FBLN1: variants seen among roughly 807,000 people sequenced by gnomAD.
The protein encoded by FBLN1 is fibulin-1.
A neutral mutation model predicts 89.7 loss-of-function variants in FBLN1; 34 were observed. That is an observed-to-expected ratio of 0.38 (90% CI 0.29 to 0.50). The LOEUF (loss-of-function observed/expected upper bound fraction) is 0.50, where lower values mean the gene tolerates loss of function less well. Among genes scored for constraint, FBLN1 ranks in the 20% least tolerant of loss-of-function variants. FBLN1 has a pLI of 0.92. For missense variants in FBLN1, 777 were observed against 988.1 expected, an observed-to-expected ratio of 0.79 and a Z score of 2.86; for synonymous variants, 393 against 391.3, an observed-to-expected ratio of 1.00 and a Z score of -0.05.
intron 1 of FBLN1, among the ~76,000 whole-genome samples, chr22:45,505,010 C>G (rs1226739025): frequency 6.6e-6 from 1 of 152,248 alleles, no homozygotes; most frequent in Non-Finnish European, 1.5e-5. Context: ...GGCACCGCCC[C>G]TGCTCTCAGA....
Position 45,508,286 on chromosome 22 carries a change from C to CTTTTTTTTTTTT in FBLN1, c.79+5231_79+5232insTTTTTTTTTTTT, listed in dbSNP as rs1350335831. Among the ~76,000 whole-genome samples the CTTTTTTTTTTTT allele has an allele frequency of 2.3e-3, 299 of 129,114 alleles. 12 individuals carry two copies. Among genetic ancestry groups the CTTTTTTTTTTTT allele is most frequent in the African/African-American group, 7.4e-3 (256 of 34,708 alleles). 84.7% of individuals were successfully genotyped at this position (129,114 alleles called of 152,430 possible). ...CAGCACACTGGACAGCCTCGCGTAT[C>CTTTTTTTTTTTT]TTTTTTTTTGAGACGGAGTCTTGCA... On this transcript the variant is annotated intron_variant, in intron 1 of 16. Coordinates refer to ENST00000327858, the MANE Select transcript of FBLN1 (RefSeq NM_006486.3).
chr22:45,535,455 C>A, intron 8 of FBLN1, 118 bp downstream of exon 8: 1 of 1,237,720 alleles, frequency 8.1e-7, no homozygotes, highest in Non-Finnish European at 1.2e-6. Flanking sequence ...GGTTGGCAAA[C>A]TTTTTGTGTA....
intron 16 of FBLN1, among the ~76,000 whole-genome samples, chr22:45,586,876 C>G (rs568523861): frequency 6.6e-6 from 1 of 152,212 alleles, no homozygotes; most frequent in East Asian, 1.9e-4. Context: ...TGACATCAGG[C>G]CATCCACAGC....
rs561952779 is a variant in FBLN1, at chr22:45,557,820, G to C, written c.1697+7205G>C. Among the ~76,000 whole-genome samples the C allele has an allele frequency of 2.6e-5, 4 of 152,184 alleles. No homozygotes were observed. The highest frequency in any genetic ancestry group is 6.5e-5 in the Admixed American group (1 of 15,280). ...CTTCTTCCAAGTCCCTGACCATCCA[G>C]CCAAACCATTGGCCACAGCCCATGA... On this transcript the variant is annotated intron_variant, in intron 14 of 16. Coordinates refer to ENST00000327858, the MANE Select transcript of FBLN1 (RefSeq NM_006486.3). The surrounding 1 kb of genome is among the most constrained non-coding windows in gnomAD (Gnocchi z 4.9).
At chr22:45,539,950 G>C (rs780406131) in intron 8 of FBLN1, among the ~76,000 whole-genome samples, 2 of 152,202 alleles carry the variant, frequency 1.3e-5, no homozygotes, top group Non-Finnish European at 2.9e-5. Context: ...GGGCCACCCA[G>C]CTGTTTCTCT....
rs921906255 is a variant in FBLN1, at chr22:45,561,386, A to C, written c.1697+10771A>C. ...CACTTTGTCCACTAAACTTAGGAGC[A>C]ACCAACCAGCTTCATTATGTTCCTT... On this transcript the variant is annotated intron_variant, in intron 14 of 16. Transcript: ENST00000327858. This position sits in a 1 kb window ranked among gnomAD's most constrained non-coding sequence, Gnocchi z 4.7. 6.6e-6 allele frequency among the ~76,000 whole-genome samples: 1 copy of C among 152,224 alleles called. No individual in the cohort carries two copies. Among genetic ancestry groups the C allele is most frequent in the African/African-American group, 2.4e-5 (1 of 41,464 alleles).
intron 14 of FBLN1, among the ~76,000 whole-genome samples, chr22:45,553,208 C>T (rs1396390051): frequency 6.6e-6 from 1 of 152,170 alleles, no homozygotes; most frequent in Non-Finnish European, 1.5e-5. Context: ...AGGAGGGGGC[C>T]TAGAGGGCCT....
At chr22:45,570,338 AAG>A (rs1192098723) in intron 14 of FBLN1, among the ~76,000 whole-genome samples, 35 of 77,328 alleles carry the variant, frequency 4.5e-4, no homozygotes, top group African/African-American at 1.6e-3. Flanking sequence ...AAAAAAAAAA[AAG>A]AAAAGAAAAG....
chr22:45,532,989 C>T lies in FBLN1; in HGVS notation c.545-74C>T. 2 of 1,420,646 alleles carry T rather than the reference C, an allele frequency of 1.4e-6. No individual in the cohort carries two copies. The highest frequency in any genetic ancestry group is 2.3e-5 in the East Asian group (1 of 43,766). The allele number at this position is 1,420,646 out of a possible 1,614,324, so 88.0% of individuals were successfully genotyped here. On this transcript the variant is annotated intron_variant, in intron 5 of 16. Transcript: ENST00000327858. The surrounding 1 kb of genome is among the most constrained non-coding windows in gnomAD (Gnocchi z 4.2). ...TGCCCAGAGGGCGTTTTCTATGACC[C>T]AGCCTGAACGGAGCTAGAAACCAGG...
chr22:45,553,108 C>T (rs76696835), intron 14 of FBLN1, among the ~76,000 whole-genome samples: 15 of 152,336 alleles, frequency 9.8e-5, no homozygotes, highest in African/African-American at 3.1e-4. Context: ...GCTTGTCTCC[C>T]GGACGACGAG....
rs2089028637 is a variant in FBLN1 at position 45,579,913 on chromosome 22, C to T, written c.1972+2805C>T. On this transcript the variant is annotated intron_variant, in intron 16 of 16. Coordinates refer to ENST00000327858, the MANE Select transcript of FBLN1 (RefSeq NM_006486.3). This position sits in a 1 kb window ranked among gnomAD's most constrained non-coding sequence, Gnocchi z 5.5. ...GGCACACGGCTCCTGGCCTGTCCACCTGGTAATAGATGGTTCCACCGTTGG... is the reference window on the plus strand; with the variant it reads ...GGCACACGGCTCCTGGCCTGTCCACTTGGTAATAGATGGTTCCACCGTTGG... Among the ~76,000 whole-genome samples the T allele has an allele frequency of 6.6e-6, 1 of 152,092 alleles. No individual in the cohort carries two copies. Among genetic ancestry groups the T allele is most frequent in the African/African-American group, 2.4e-5 (1 of 41,426 alleles).
intron 6 of FBLN1, 85 bp downstream of exon 6, chr22:45,533,249 C>G (rs1056964436): frequency 1.4e-5 from 18 of 1,245,482 alleles, no homozygotes; most frequent in Non-Finnish European, 2.1e-5. Flanking sequence ...CAGGGCCTGC[C>G]TTCTACAACC....
In FBLN1 at chr22:45,531,859, G is replaced by C. The variant is rs1018778332; in HGVS notation, c.544+535G>C. Among the ~76,000 whole-genome samples the C allele has an allele frequency of 6.6e-6, 1 of 152,198 alleles. No individual in the cohort carries two copies. Among genetic ancestry groups the C allele is most frequent in the Non-Finnish European group, 1.5e-5 (1 of 68,020 alleles). On this transcript the variant is annotated intron_variant, in intron 5 of 16. Coordinates refer to ENST00000327858, the MANE Select transcript of FBLN1 (RefSeq NM_006486.3). The surrounding 1 kb of genome is among the most constrained non-coding windows in gnomAD (Gnocchi z 4.9). The stretch of plus-strand genomic sequence containing the variant: ...CCCAGGCCTTGTGAAGGTGACAGAG[G>C]CCTCCCTCAGGCTCTCAGGGGAGAG...
intron 10 of FBLN1, 70 bp downstream of exon 10, chr22:45,542,353 C>T: frequency 6.3e-6 from 10 of 1,590,150 alleles, no homozygotes; most frequent in Non-Finnish European, 8.6e-6. Context: ...TTCTGTGGCA[C>T]CTCGAGTGAT....
In FBLN1 at chr22:45,557,524, A is replaced by G. The variant is rs1245126538; in HGVS notation, c.1697+6909A>G. Among the ~76,000 whole-genome samples, 1 of 152,170 alleles carries G rather than the reference A, an allele frequency of 6.6e-6. No homozygotes were observed. The highest frequency in any genetic ancestry group is 2.4e-5 in the African/African-American group (1 of 41,454). ...AGTGGAAGTCCATGTTGCTGAGCCC[A>G]TGTGTAACCTCCATCCCTGCCACCA... On this transcript the variant is annotated intron_variant, in intron 14 of 16. Transcript: ENST00000327858. The surrounding 1 kb of genome is among the most constrained non-coding windows in gnomAD (Gnocchi z 4.9).
chr22:45,531,757 C>G lies in FBLN1; in HGVS notation c.544+433C>G, dbSNP rs1425278194. On this transcript the variant is annotated intron_variant, in intron 5 of 16. Coordinates refer to ENST00000327858, the MANE Select transcript of FBLN1 (RefSeq NM_006486.3). This position sits in a 1 kb window ranked among gnomAD's most constrained non-coding sequence, Gnocchi z 4.9. ...AGGGTGGGCTTACCAAGGAGGGGCC[C>G]TGGTGAGGCCCTGCTGGGGAGGGTG... Among the ~76,000 whole-genome samples, 1 of 152,148 alleles carries G rather than the reference C, an allele frequency of 6.6e-6. No homozygotes were observed. The highest frequency in any genetic ancestry group is 1.5e-5 in the Non-Finnish European group (1 of 68,026).
Position 45,597,459 on chromosome 22 carries a change from G to A in FBLN1, c.1973-2848G>A, listed in dbSNP as rs1166664985. On this transcript the variant is annotated intron_variant, in intron 16 of 16. Transcript: ENST00000327858. The surrounding 1 kb of genome is among the most constrained non-coding windows in gnomAD (Gnocchi z 4.2). The stretch of plus-strand genomic sequence containing the variant: ...TGTCTCTGCGCCTAGTACCAGTAAA[G>A]TTGGCAGGTCACTGTGGCTAGCGGG... 1.3e-5 allele frequency among the ~76,000 whole-genome samples: 2 copies of A among 152,198 alleles called. No homozygotes were observed. The highest frequency in any genetic ancestry group is 1.3e-4 in the Admixed American group (2 of 15,280).
chr22:45,564,068 G>A (rs2088880153), intron 14 of FBLN1, among the ~76,000 whole-genome samples: 1 of 152,190 alleles, frequency 6.6e-6, no homozygotes, highest in Non-Finnish European at 1.5e-5. Flanking sequence ...TCATCCTCAT[G>A]AAGACTCAGA....
At position 45,590,445 on chromosome 22, in the gene FBLN1, C is replaced by T. The variant is rs1279679392; in HGVS notation, c.1973-9862C>T. ...GCAGTGTGCTGAGAGCTGGGCTGGA[C>T]GGGGCCGTGGGCCTCAGCAAGATGC... On this transcript the variant is annotated intron_variant, in intron 16 of 16. Coordinates refer to ENST00000327858, the MANE Select transcript of FBLN1 (RefSeq NM_006486.3). The surrounding 1 kb of genome is among the most constrained non-coding windows in gnomAD (Gnocchi z 4.1). 2.0e-5 allele frequency among the ~76,000 whole-genome samples: 3 copies of T among 152,150 alleles called. No homozygotes were observed. The highest frequency in any genetic ancestry group is 2.1e-4 in the South Asian group (1 of 4,830).
Sources: allele counts gnomAD v4.1 joint callset (sites outside exome capture counted in the v4.1 genomes callset), GRCh38; gene constraint gnomAD v4.1.1; non-coding constraint Gnocchi (gnomAD v3.1); transcripts MANE v1.5; gene names NCBI Gene and HGNC (gene_info 2026-07-23, HGNC 2026-07-21).